Variants in FMN1 observed in about 807,000 individuals in gnomAD.
FMN1 encodes formin-1.
In FMN1, 110 loss-of-function variants were observed where a neutral mutation model predicts 132.4. The observed-to-expected ratio is 0.83, with a 90% CI of 0.71 to 0.97. FMN1 has a LOEUF of 0.97. FMN1 is among the 50% of genes least tolerant of loss of function. The pLI, the probability that FMN1 is intolerant of heterozygous loss-of-function variation, is 0.00. For synonymous variants in FMN1, 722 were observed against 651.7 expected, an observed-to-expected ratio of 1.11 and a Z score of -1.64; for missense variants, 1,792 against 1,705.3, an observed-to-expected ratio of 1.05 and a Z score of -0.90.
chr15:32,830,339 C>T (rs2058469955), intron 17 of FMN1, among the ~76,000 whole-genome samples: 1 of 152,086 alleles, frequency 6.6e-6, no homozygotes, highest in Admixed American at 6.5e-5. Flanking sequence ...TCATTGTCTT[C>T]TCTTCTTCAT....
At chr15:33,144,830 A>AT (rs1220386896) in intron 4 of FMN1, among the ~76,000 whole-genome samples, 3 of 152,170 alleles carry the variant, frequency 2.0e-5, no homozygotes, top group African/African-American at 7.2e-5. Flanking sequence ...TCATTTCATC[A>AT]TTGGAAAATA....
At chr15:32,796,782 T>C (rs76609421) in intron 19 of FMN1, among the ~76,000 whole-genome samples, 2,511 of 152,224 alleles carry the variant, frequency 0.016, 41 homozygotes, top group Middle Eastern at 0.031. Flanking sequence ...GGTTGAGGAG[T>C]AATATACATA....
At position 32,969,415 on chromosome 15, in the gene FMN1, T is replaced by C. The variant is rs781684202; in HGVS notation, c.2286A>G (p.Leu762=). The C allele has an allele frequency of 3.7e-6, 6 of 1,613,888 alleles. No homozygotes were observed. The African/African-American group carries it at 8.0e-5, about 22-fold the overall frequency. ...GTTTCAGATTTTCAATGGTTTCTTC[T>C]AGTCTCGCTGTTATCATTGCATGCT... The part of the protein sequence containing the change: ...RGEHAMITAR[L]EETIENLKHE... The change falls in exon 8 of 21, where the codon CTA becomes CTG. Residue 762 remains leucine (L), a synonymous_variant. Transcript: ENST00000616417.
At chr15:33,016,124 C>G (rs1281397535) in intron 6 of FMN1, among the ~76,000 whole-genome samples, 1 of 149,690 alleles carries the variant, frequency 6.7e-6, no homozygotes, top group African/African-American at 2.4e-5. Flanking sequence ...ATTAAAATAA[C>G]AAATTAAATA....
chr15:33,069,890 T>C (rs1330408327), intron 5 of FMN1, among the ~76,000 whole-genome samples: 1 of 151,884 alleles, frequency 6.6e-6, no homozygotes, highest in Non-Finnish European at 1.5e-5. Flanking sequence ...AAGAACAAGA[T>C]TCTTGTCTAG....
chr15:33,101,446 T>C (rs1338672144), intron 4 of FMN1, among the ~76,000 whole-genome samples: 3 of 150,988 alleles, frequency 2.0e-5, no homozygotes, highest in Admixed American at 6.6e-5. Flanking sequence ...ACACTAACAA[T>C]AGCTGATGAG....
At chr15:32,774,685 A>G (rs2140858362) in intron 20 of FMN1, among the ~76,000 whole-genome samples, 2 of 152,058 alleles carry the variant, frequency 1.3e-5, no homozygotes, top group South Asian at 4.2e-4. Context: ...TTACTCAAGG[A>G]CCCCTTCCGT....
Position 32,901,928 on chromosome 15 carries a change from TG to T in FMN1, c.3489del (p.Ile1164SerfsTer11). The T allele has an allele frequency of 6.2e-7, 1 of 1,610,262 alleles. No homozygotes were observed. Among genetic ancestry groups the T allele is most frequent in the African/African-American group, 1.3e-5 (1 of 74,858 alleles). ...GITSLHRKVE[I>X]ITRASKDLLH... ...AAACATACCTTAGAAGCTCGCGTGA[TG>T]ATCTCTACCTTTCTGTGCAAGGAGG... is the stretch of plus-strand genomic sequence containing the variant. On this transcript the variant is annotated frameshift_variant, in exon 13 of 21. Transcript: ENST00000616417. LOFTEE classifies it high-confidence loss of function.
intron 9 of FMN1, among the ~76,000 whole-genome samples, chr15:32,928,325 CA>C (rs376813184): frequency 0.013 from 1,734 of 137,692 alleles, 30 homozygotes; most frequent in African/African-American, 0.044. Flanking sequence ...AAAGGAAAAG[CA>C]AAAAAAAAAG....
At chr15:32,853,269 T>G (rs1327978055) in intron 17 of FMN1, among the ~76,000 whole-genome samples, 1 of 152,246 alleles carries the variant, frequency 6.6e-6, no homozygotes, top group Non-Finnish European at 1.5e-5. Context: ...TTGGGCATTC[T>G]TCCTCTCTGA....
intron 19 of FMN1, among the ~76,000 whole-genome samples, chr15:32,797,190 TAC>T (rs1283901000): frequency 2.6e-5 from 4 of 152,240 alleles, no homozygotes; most frequent in Admixed American, 6.5e-5. Context: ...TAATGTGGAA[TAC>T]AGTTATTTCA....
intron 9 of FMN1, among the ~76,000 whole-genome samples, chr15:32,962,790 G>GA (rs2030730486): frequency 6.6e-6 from 1 of 151,570 alleles, no homozygotes; most frequent in African/African-American, 2.4e-5. Context: ...AAACCACAAT[G>GA]AGATACCATC....
At chr15:32,864,957 A>G (rs1213319072) in intron 16 of FMN1, among the ~76,000 whole-genome samples, 3 of 152,234 alleles carry the variant, frequency 2.0e-5, no homozygotes, top group African/African-American at 7.2e-5. Context: ...ATACTACTAC[A>G]TAGAAGAACG....
intron 4 of FMN1, among the ~76,000 whole-genome samples, chr15:33,131,089 G>A (rs1453664660): frequency 1.3e-5 from 2 of 152,110 alleles, no homozygotes; most frequent in Admixed American, 6.6e-5. Flanking sequence ...CAGCACTTTG[G>A]GGGGCCGAGG....
At chr15:32,820,713 A>C (rs1047065329) in intron 17 of FMN1, among the ~76,000 whole-genome samples, 1 of 152,230 alleles carries the variant, frequency 6.6e-6, no homozygotes, top group Non-Finnish European at 1.5e-5. Flanking sequence ...CAATGATAGT[A>C]TAATTTAATA....
intron 16 of FMN1, among the ~76,000 whole-genome samples, chr15:32,873,244 C>A (rs2141385087): frequency 6.6e-6 from 1 of 152,302 alleles, no homozygotes; most frequent in East Asian, 1.9e-4. Flanking sequence ...AACAAGGTTT[C>A]ATATAAAGAA....
chr15:32,950,086 A>G (rs190588310), intron 9 of FMN1, among the ~76,000 whole-genome samples: 1,373 of 111,182 alleles, frequency 0.012, 174 homozygotes, highest in African/African-American at 0.043. Flanking sequence ...TATATTAAAA[A>G]GCTCAACTTC....
intron 17 of FMN1, among the ~76,000 whole-genome samples, chr15:32,827,791 C>T (rs1187557504): frequency 2.0e-5 from 3 of 150,872 alleles, no homozygotes; most frequent in South Asian, 2.1e-4. Flanking sequence ...TTGCAGTGAG[C>T]GGAGATTGCG....
chr15:32,795,791 CT>C (rs2057270589), intron 19 of FMN1, among the ~76,000 whole-genome samples: 1 of 152,130 alleles, frequency 6.6e-6, no homozygotes, highest in Non-Finnish European at 1.5e-5. Context: ...GAAAGTGGCG[CT>C]TTTGGATTTG....
Sources: gnomAD v4.1 joint callset for allele counts (sites outside exome capture counted in the v4.1 genomes callset) on GRCh38, gnomAD v4.1.1 for gene constraint, MANE v1.5 for transcripts, NCBI Gene and HGNC (gene_info 2026-07-23, HGNC 2026-07-21) for gene names.